The following ZNF595 variants were observed in gnomAD, a reference collection of about 807,000 sequenced individuals.
ZNF595 encodes the protein zinc finger protein 595.
A neutral mutation model predicts 19.4 loss-of-function variants in ZNF595; 9 were observed. That is an observed-to-expected ratio of 0.46 (90% CI 0.28 to 0.81). The LOEUF (loss-of-function observed/expected upper bound fraction) is 0.81. ZNF595 is among the 30% of genes least tolerant of loss of function. The pLI is 0.11. For synonymous variants in ZNF595, 255 were observed against 255.9 expected (o/e 1.00, Z 0.03); for missense variants, 729 against 736.0 (o/e 0.99, Z 0.11).
chr4:76,453 T>C (rs757819893), intron 3 of ZNF595, among the ~76,000 whole-genome samples: 1 of 152,190 alleles, frequency 6.6e-6, no homozygotes, highest in Non-Finnish European at 1.5e-5. Context: ...TTGTAACTTT[T>C]ATACCAGAGT....
At chr4:82,014 G>C (rs1713927464) in intron 3 of ZNF595, among the ~76,000 whole-genome samples, 1 of 152,148 alleles carries the variant, frequency 6.6e-6, no homozygotes, top group Non-Finnish European at 1.5e-5. Flanking sequence ...ATATGTGTAA[G>C]AGTGTGTATT....
intron 3 of ZNF595, 62 bp from the exon 4 acceptor site, chr4:85,669 T>C: frequency 6.7e-7 from 1 of 1,483,312 alleles, no homozygotes; most frequent in Non-Finnish European, 9.0e-7. Context: ...GATATTACAT[T>C]CGTAAAGTAT....
intron 3 of ZNF595, among the ~76,000 whole-genome samples, chr4:64,354 C>T (rs1581365927): frequency 6.6e-6 from 1 of 152,282 alleles, no homozygotes; most frequent in African/African-American, 2.4e-5. Context: ...GCACCTGACC[C>T]TACATACAAA....
intron 3 of ZNF595, among the ~76,000 whole-genome samples, chr4:69,395 C>G (rs1713337054): frequency 6.6e-6 from 1 of 152,178 alleles, no homozygotes; most frequent in Non-Finnish European, 1.5e-5. Context: ...CACATCCTTA[C>G]TGGCGTTTGT....
intron 3 of ZNF595, among the ~76,000 whole-genome samples, chr4:76,566 G>A (rs1225543732): frequency 6.6e-6 from 1 of 151,714 alleles, no homozygotes; most frequent in African/African-American, 2.4e-5. Flanking sequence ...TTTTCTTGTT[G>A]TAAATTAGAA....
Position 87,440 on chromosome 4 carries a change from G to T in ZNF595, c.1936G>T (p.Glu646Ter). ...ACACAAGCGAATTCATACTGGCAAG[G>T]AACATAGTTGAATGACATTTCTAGT... ...TVHKRIHTGK[E>*]HS Residue 646 changes from glutamate to a stop codon, truncating the protein, a stop_gained, in exon 4 of 4, where the codon GAA (glutamate) becomes TAA (stop). Coordinates refer to ENST00000610261, the MANE Select transcript of ZNF595 (RefSeq NM_182524.4). LOFTEE classifies it high-confidence loss of function. 6.4e-7 allele frequency: 1 copy of T among 1,573,460 alleles called. No homozygotes were observed. The highest frequency in any genetic ancestry group is 1.2e-5 in the South Asian group (1 of 84,398).
intron 3 of ZNF595, among the ~76,000 whole-genome samples, chr4:78,533 C>A (rs1175337445): frequency 6.6e-6 from 1 of 152,120 alleles, no homozygotes; most frequent in Middle Eastern, 3.2e-3. Context: ...TGAGTGGTCA[C>A]CAGTGTTTTC....
At chr4:75,973 T>G (rs186708591) in intron 3 of ZNF595, among the ~76,000 whole-genome samples, 2 of 152,304 alleles carry the variant, frequency 1.3e-5, no homozygotes, top group East Asian at 3.9e-4. Context: ...CAGTGCAGCC[T>G]TGACCTCCCC....
At position 87,752 on chromosome 4, in the gene ZNF595, G is replaced by T. The variant is rs940322564; in HGVS notation, c.*301G>T. On this transcript the variant is annotated 3_prime_UTR_variant, in exon 4 of 4. Coordinates refer to ENST00000610261, the MANE Select transcript of ZNF595 (RefSeq NM_182524.4). ...TTTTTTTTTTTTGAGACAGAGTCTC[G>T]TTCTGTCGCCCAGGCTGGAGCGCAG... 2 of 143,306 alleles carry T rather than the reference G, an allele frequency of 1.4e-5. No individual in the cohort carries two copies. Among genetic ancestry groups the T allele is most frequent in the South Asian group, 2.0e-4 (1 of 5,108 alleles). 8.9% of individuals were successfully genotyped at this position (143,306 alleles called of 1,614,324 possible).
intron 3 of ZNF595, among the ~76,000 whole-genome samples, chr4:78,444 A>G (rs1713764932): frequency 1.3e-5 from 2 of 152,202 alleles, no homozygotes; most frequent in Admixed American, 6.5e-5. Flanking sequence ...AGATATTTCT[A>G]TTGCCTATAA....
chr4:78,659 G>A (rs1713773882), intron 3 of ZNF595, among the ~76,000 whole-genome samples: 1 of 152,120 alleles, frequency 6.6e-6, no homozygotes, highest in South Asian at 2.1e-4. Context: ...AACCTTTTTA[G>A]GTAGATGTAA....
At chr4:76,616 T>C (rs1560089839) in intron 3 of ZNF595, among the ~76,000 whole-genome samples, 1 of 152,322 alleles carries the variant, frequency 6.6e-6, no homozygotes, top group East Asian at 1.9e-4. Flanking sequence ...TTAGCATTTC[T>C]TGTAAGGTCA....
At chr4:80,984 C>A (rs1553799794) in intron 3 of ZNF595, among the ~76,000 whole-genome samples, 1 of 152,042 alleles carries the variant, frequency 6.6e-6, no homozygotes, top group Non-Finnish European at 1.5e-5. Context: ...CTCCTATTGC[C>A]CCCCACCCCC....
rs192987210 is a variant in ZNF595, at chr4:86,236, C to T, written c.732C>T (p.Asn244=). 525 of 1,584,194 alleles carry T rather than the reference C, an allele frequency of 3.3e-4. 1 individual carries two copies. The highest frequency in any genetic ancestry group is 3.8e-4 in the Non-Finnish European group (442 of 1,166,360). ...CCTTTAGACGGTCCACAGTTCTGAACGAACATAAGAAAATTCATACTGGAG... is the reference window on the plus strand; with the variant it reads ...CCTTTAGACGGTCCACAGTTCTGAATGAACATAAGAAAATTCATACTGGAG... ...GKAFRRSTVL[N]EHKKIHTGEK... The change falls in exon 4 of 4, where the codon AAC becomes AAT. Residue 244 remains asparagine (N), a synonymous_variant. Coordinates refer to ENST00000610261, the MANE Select transcript of ZNF595 (RefSeq NM_182524.4).
chr4:70,975 A>G (rs1316165375), intron 3 of ZNF595, among the ~76,000 whole-genome samples: 4 of 152,208 alleles, frequency 2.6e-5, no homozygotes, highest in Non-Finnish European at 5.9e-5. Context: ...CTTTTTATTC[A>G]TGAACATAAA....
intron 3 of ZNF595, among the ~76,000 whole-genome samples, chr4:66,015 T>C (rs1581331212): frequency 1.6e-5 from 2 of 124,530 alleles, no homozygotes; most frequent in South Asian, 6.3e-4. Flanking sequence ...TTGCATACTT[T>C]AAATAGATGC....
Position 86,531 on chromosome 4 carries a change from G to A in ZNF595, c.1027G>A (p.Glu343Lys), listed in dbSNP as rs1714188581. 1 of 1,613,762 alleles carries A rather than the reference G, an allele frequency of 6.2e-7. No homozygotes were observed. Among genetic ancestry groups the A allele is most frequent in the Admixed American group, 1.7e-5 (1 of 59,982 alleles). The change falls in exon 4 of 4, where the codon GAA becomes AAA. Residue 343 changes from glutamate to lysine, a missense_variant. Physicochemically the swap from Glu to Lys is moderately conservative, Grantham distance 56. Coordinates refer to ENST00000610261, the MANE Select transcript of ZNF595 (RefSeq NM_182524.4). The part of the protein sequence containing the change: ...IHTGEKPYTC[E>K]KCGKAFNQSS... ...TACTGGCGAAAAACCCTACACATGT[G>A]AAAAATGTGGCAAAGCTTTTAACCA... is the stretch of plus-strand genomic sequence containing the variant.
intron 3 of ZNF595, among the ~76,000 whole-genome samples, chr4:69,997 C>T (rs566681292): frequency 2.6e-5 from 4 of 152,228 alleles, no homozygotes; most frequent in East Asian, 1.9e-4. Context: ...GCTGGATGTC[C>T]GGGCCACTTA....
chr4:79,675 G>GTTTT (rs202205324), intron 3 of ZNF595, among the ~76,000 whole-genome samples: 1 of 127,512 alleles, frequency 7.8e-6, no homozygotes. Flanking sequence ...CAGCTTTGTT[G>GTTTT]TTTTTTTTTT....
Sources: gnomAD v4.1 joint callset for allele counts (sites outside exome capture counted in the v4.1 genomes callset) on GRCh38, gnomAD v4.1.1 for gene constraint, MANE v1.5 for transcripts, NCBI Gene and HGNC (gene_info 2026-07-23, HGNC 2026-07-21) for gene names.